KAZN: variants seen among roughly 807,000 people sequenced by gnomAD.
KAZN encodes the protein kazrin.
Under a neutral mutation model 87.4 loss-of-function variants are expected in KAZN, and 40 were observed. The ratio of observed to expected loss-of-function variants is 0.46; its 90% confidence interval spans 0.36 to 0.60. The LOEUF (loss-of-function observed/expected upper bound fraction) is 0.60, where lower values mean the gene tolerates loss of function less well. Among genes scored for constraint, KAZN ranks in the 20% least tolerant of loss-of-function variants. The pLI is 0.00. For synonymous variants in KAZN, 466 were observed against 458.3 expected (o/e 1.02, Z -0.22); for missense variants, 898 against 1,073.9 (o/e 0.84, Z 2.29).
chr1:14,538,929 A>C (rs1672652704), intron 2 of KAZN, among the ~76,000 whole-genome samples: 1 of 152,132 alleles, frequency 6.6e-6, no homozygotes, highest in Admixed American at 6.5e-5. Context: ...CTGGCCAGGA[A>C]TTTACCCTTT....
intron 2 of KAZN, among the ~76,000 whole-genome samples, chr1:14,280,423 G>C (rs1314273454): frequency 1.3e-5 from 2 of 150,004 alleles, no homozygotes; most frequent in Admixed American, 1.3e-4. Context: ...GGAGTCGGTG[G>C]GCCCAATCCG....
intron 2 of KAZN, among the ~76,000 whole-genome samples, chr1:14,363,864 G>C (rs1241190585): frequency 6.6e-6 from 1 of 152,130 alleles, no homozygotes; most frequent in African/African-American, 2.4e-5. Flanking sequence ...AAATAATTTG[G>C]GGAACCACTG....
chr1:14,435,155 C>T (rs752112615), intron 2 of KAZN, among the ~76,000 whole-genome samples: 2 of 152,174 alleles, frequency 1.3e-5, no homozygotes, highest in African/African-American at 4.8e-5. Context: ...CGGTGGCGCT[C>T]GTGGTCTTCA....
intron 1 of KAZN, among the ~76,000 whole-genome samples, chr1:14,806,662 T>C (rs1646232975): frequency 6.6e-6 from 1 of 152,170 alleles, no homozygotes; most frequent in South Asian, 2.1e-4. Flanking sequence ...CATTTAATTA[T>C]TCATTGATCT....
At chr1:14,793,131 A>T (rs1208347239) in intron 1 of KAZN, among the ~76,000 whole-genome samples, 2 of 152,244 alleles carry the variant, frequency 1.3e-5, no homozygotes, top group East Asian at 3.9e-4. Flanking sequence ...TGGACCCCCG[A>T]CTTCGGTGGC....
At chr1:14,272,527 A>G (rs1257393717) in intron 2 of KAZN, among the ~76,000 whole-genome samples, 1 of 152,234 alleles carries the variant, frequency 6.6e-6, no homozygotes, top group Non-Finnish European at 1.5e-5. Context: ...CATGACTTTC[A>G]TATGGGTGCC....
At chr1:13,928,999 A>T (rs1640394995) in intron 1 of KAZN, among the ~76,000 whole-genome samples, 2 of 150,308 alleles carry the variant, frequency 1.3e-5, no homozygotes, top group Middle Eastern at 7.0e-3. Flanking sequence ...AGATTTGAGA[A>T]GCCAGAGCTG....
chr1:13,921,014 C>T (rs910478764), intron 1 of KAZN, among the ~76,000 whole-genome samples: 6 of 152,044 alleles, frequency 3.9e-5, no homozygotes, highest in African/African-American at 9.7e-5. Context: ...TCTGTGTGCT[C>T]ATTGTGTCCC....
At chr1:14,104,063 A>T (rs962458146) in intron 1 of KAZN, among the ~76,000 whole-genome samples, 11 of 152,178 alleles carry the variant, frequency 7.2e-5, no homozygotes, top group African/African-American at 2.7e-4. Context: ...AAGACACTGC[A>T]ACATTATTGG....
In KAZN at chr1:14,933,210, G is replaced by A. The variant is rs547220704; in HGVS notation, c.227-27474G>A. Among the ~76,000 whole-genome samples the A allele has an allele frequency of 4.1e-4, 62 of 152,298 alleles. 1 individual carries two copies. The South Asian group carries it at 4.6e-3, about 11-fold the overall frequency. On this transcript the variant is annotated intron_variant, in intron 1 of 14. Coordinates refer to ENST00000376030, the MANE Select transcript of KAZN (RefSeq NM_201628.3). Reference sequence around the variant, plus strand: ...GGGTTCAAGCGATTCTCCTGCCTCAGCCTCCCAAGTAGCTGAGATTACACA... The same window carrying A: ...GGGTTCAAGCGATTCTCCTGCCTCAACCTCCCAAGTAGCTGAGATTACACA...
chr1:14,681,755 C>T (rs1269649487), intron 1 of KAZN, among the ~76,000 whole-genome samples: 2 of 136,486 alleles, frequency 1.5e-5, no homozygotes, highest in African/African-American at 5.5e-5. Flanking sequence ...TGGCTCACTG[C>T]AAGCTCCGCC....
At chr1:14,618,547 T>C (rs923150684) in intron 1 of KAZN, among the ~76,000 whole-genome samples, 2 of 152,228 alleles carry the variant, frequency 1.3e-5, no homozygotes, top group Non-Finnish European at 2.9e-5. Context: ...AAGGCATCCT[T>C]CTAAAAGCTA....
At chr1:14,209,273 G>C (rs1646805564) in intron 2 of KAZN, among the ~76,000 whole-genome samples, 1 of 152,206 alleles carries the variant, frequency 6.6e-6, no homozygotes, top group African/African-American at 2.4e-5. Context: ...ACCAGAACCA[G>C]AAACCACACT....
In KAZN at chr1:14,923,631, C is replaced by T. The variant is rs950542704; in HGVS notation, c.227-37053C>T. Among the ~76,000 whole-genome samples, 1 of 152,214 alleles carries T rather than the reference C, an allele frequency of 6.6e-6. No individual in the cohort carries two copies. Among genetic ancestry groups the T allele is most frequent in the African/African-American group, 2.4e-5 (1 of 41,468 alleles). On this transcript the variant is annotated intron_variant, in intron 1 of 14. Coordinates refer to ENST00000376030, the MANE Select transcript of KAZN (RefSeq NM_201628.3). This position sits in a 1 kb window ranked among gnomAD's most constrained non-coding sequence, Gnocchi z 4.2. ...AGGGCCTCCCACCAGATCTCAGCCC[C>T]CTCGCGATCTCCCCCACCAGACGGT... is the stretch of plus-strand genomic sequence containing the variant.
intron 1 of KAZN, among the ~76,000 whole-genome samples, chr1:14,150,126 G>A (rs749479592): frequency 6.6e-6 from 1 of 152,112 alleles, no homozygotes; most frequent in South Asian, 2.1e-4. Context: ...CCATTTTTCA[G>A]CTAAAGAAAT....
intron 1 of KAZN, among the ~76,000 whole-genome samples, chr1:14,873,698 G>C (rs571205449): frequency 1.2e-4 from 18 of 152,346 alleles, no homozygotes; most frequent in African/African-American, 3.4e-4. Context: ...ATATATTTAT[G>C]TTGTGTTGAA....
In KAZN at chr1:15,103,527, A is replaced by C. The variant is rs1202018748; in HGVS notation, c.1881+67A>C. 11 of 942,836 alleles carry C rather than the reference A, an allele frequency of 1.2e-5. No individual in the cohort carries two copies. In the African/African-American group the frequency reaches 1.8e-4, roughly 15 times the overall value. 58.4% of individuals were successfully genotyped at this position (942,836 alleles called of 1,614,324 possible). On this transcript the variant is annotated intron_variant, in intron 12 of 14. Transcript: ENST00000376030. ...ACAAACCCCATGCAAATCTATATGCAAATCAATATGCAAATCACATGCAAA... is the reference window on the plus strand; with the variant it reads ...ACAAACCCCATGCAAATCTATATGCCAATCAATATGCAAATCACATGCAAA...
chr1:14,881,042 C>G (rs766609725), intron 1 of KAZN, among the ~76,000 whole-genome samples: 1 of 152,190 alleles, frequency 6.6e-6, no homozygotes, highest in Non-Finnish European at 1.5e-5. Flanking sequence ...GCTCCTGAGG[C>G]CTCTGTGAAG....
In KAZN at chr1:14,801,421, C is replaced by T. The variant is rs1646017059; in HGVS notation, c.227-159263C>T. 3.3e-5 allele frequency among the ~76,000 whole-genome samples: 5 copies of T among 152,146 alleles called. No individual in the cohort carries two copies. In the South Asian group the frequency reaches 6.2e-4, roughly 19 times the overall value. On this transcript the variant is annotated intron_variant, in intron 1 of 14. Transcript: ENST00000376030. ...GGGTCAGGCAGGTGACGACACATTC[C>T]GCAGTCCAGAGAGTGGCTGGGTCCC...
Sources: allele counts gnomAD v4.1 joint callset (sites outside exome capture counted in the v4.1 genomes callset), GRCh38; gene constraint gnomAD v4.1.1; non-coding constraint Gnocchi (gnomAD v3.1); transcripts MANE v1.5; gene names NCBI Gene and HGNC (gene_info 2026-07-23, HGNC 2026-07-21).